The following CENPQ variants were observed in gnomAD, a reference collection of about 807,000 sequenced individuals.
The protein encoded by CENPQ is centromere protein Q, also known as chromosome 6 open reading frame 139.
In CENPQ, 27 loss-of-function variants were observed where a neutral mutation model predicts 36.6. That is an observed-to-expected ratio of 0.74 (90% CI 0.54 to 1.02). The LOEUF (loss-of-function observed/expected upper bound fraction) is 1.02. CENPQ is among the 50% of genes least tolerant of loss of function. The pLI, the probability that CENPQ is intolerant of heterozygous loss-of-function variation, is 0.00. For missense variants in CENPQ, 306 were observed against 301.8 expected (o/e 1.01, Z -0.10); for synonymous variants, 101 against 101.7 (o/e 0.99, Z 0.04).
At chr6:49,488,817 G>A in intron 8 of CENPQ, 133 bp downstream of exon 8, 1 of 708,234 alleles carries the variant, frequency 1.4e-6, no homozygotes, top group Non-Finnish European at 2.5e-6. Flanking sequence ...CACGGCATAT[G>A]GAAGTTATGT....
rs185355061 is a variant in CENPQ, at chr6:49,469,981, A to C, written c.-18-178A>C. On this transcript the variant is annotated intron_variant, in intron 1 of 8. Transcript: ENST00000335783. ...AGAGTGAAAATTATTTCTTTTAAAA[A>C]ATGCTTGTTTAAAAGCATACAATAC... 1.4e-3 allele frequency among the ~76,000 whole-genome samples: 218 copies of C among 152,094 alleles called. 3 individuals are homozygous for C. The highest frequency in any genetic ancestry group is 4.9e-3 in the African/African-American group (204 of 41,550).
chr6:49,469,509 A>G (rs959452167), intron 1 of CENPQ, among the ~76,000 whole-genome samples: 7 of 152,206 alleles, frequency 4.6e-5, no homozygotes, highest in Non-Finnish European at 1.0e-4. Context: ...TCTAAATTTT[A>G]TCAACATCCC....
intron 4 of CENPQ, 71 bp from the exon 5 acceptor site, chr6:49,472,715 CAGAG>C (rs2127424387): frequency 8.4e-7 from 1 of 1,189,288 alleles, no homozygotes; most frequent in East Asian, 3.3e-5. Flanking sequence ...TGAGAGAAAT[CAGAG>C]AGAAAAAGTA....
intron 5 of CENPQ, among the ~76,000 whole-genome samples, chr6:49,476,374 A>G (rs570063881): frequency 2.6e-5 from 4 of 152,348 alleles, no homozygotes; most frequent in African/African-American, 7.2e-5. Context: ...AGCCATATGT[A>G]GAAAGCTGAA....
chr6:49,468,620 A>G (rs1768059257), intron 1 of CENPQ, among the ~76,000 whole-genome samples: 1 of 152,124 alleles, frequency 6.6e-6, no homozygotes, highest in Non-Finnish European at 1.5e-5. Flanking sequence ...TTTCTAAGCA[A>G]GAAGAAGTCA....
chr6:49,483,451 C>G (rs546251458), intron 6 of CENPQ, among the ~76,000 whole-genome samples: 1 of 152,252 alleles, frequency 6.6e-6, no homozygotes, highest in East Asian at 1.9e-4. Context: ...GTCGATGGGA[C>G]TGGGCACTGT....
chr6:49,483,090 C>T (rs941204242), intron 6 of CENPQ, among the ~76,000 whole-genome samples: 4 of 152,076 alleles, frequency 2.6e-5, no homozygotes, highest in South Asian at 2.1e-4. Context: ...TTGGTAGAGC[C>T]GAGTGGTCTG....
At chr6:49,465,062 C>G (rs1366696882) in intron 1 of CENPQ, among the ~76,000 whole-genome samples, 1 of 152,200 alleles carries the variant, frequency 6.6e-6, no homozygotes, top group Non-Finnish European at 1.5e-5. Flanking sequence ...AATAATATAA[C>G]TTGAAAGTCA....
chr6:49,488,685 G>GT lies in CENPQ; in HGVS notation c.675+2dup. On this transcript the variant is annotated splice_donor_variant, in intron 8 of 8. Coordinates refer to ENST00000335783, the MANE Select transcript of CENPQ (RefSeq NM_018132.4). LOFTEE classifies it high-confidence loss of function. ...AACTCTCAAAGCACCCACACTTCAG[G>GT]TAAGTGCCTATTTACCATATTGATT... 3 of 1,609,768 alleles carry GT rather than the reference G, an allele frequency of 1.9e-6. No homozygotes were observed. The highest frequency in any genetic ancestry group is 2.6e-6 in the Non-Finnish European group (3 of 1,176,322).
intron 1 of CENPQ, among the ~76,000 whole-genome samples, chr6:49,468,796 T>C (rs576345986): frequency 2.6e-5 from 4 of 152,212 alleles, no homozygotes; most frequent in Non-Finnish European, 4.4e-5. Flanking sequence ...ATTTTTAATC[T>C]AAAATCTCAG....
At chr6:49,478,627 T>C (rs1395542087) in intron 5 of CENPQ, among the ~76,000 whole-genome samples, 1 of 152,192 alleles carries the variant, frequency 6.6e-6, no homozygotes. Context: ...TTAGCTTCAG[T>C]TAGAAAATTC....
intron 5 of CENPQ, among the ~76,000 whole-genome samples, chr6:49,479,471 G>A (rs1768379029): frequency 6.6e-6 from 1 of 152,062 alleles, no homozygotes; most frequent in South Asian, 2.1e-4. Context: ...TTATTAAAAA[G>A]TCAAAAAGTA....
At chr6:49,467,416 A>G (rs1768029306) in intron 1 of CENPQ, among the ~76,000 whole-genome samples, 1 of 152,186 alleles carries the variant, frequency 6.6e-6, no homozygotes, top group South Asian at 2.1e-4. Flanking sequence ...GTTGCAGGGA[A>G]TGGGGAAGGG....
At position 49,481,014 on chromosome 6, in the gene CENPQ, A is replaced by G. The variant is rs151162470; in HGVS notation, c.411A>G (p.Val137=). The G allele has an allele frequency of 2.2e-5, 36 of 1,610,894 alleles. No individual in the cohort carries two copies. In the African/African-American group the frequency reaches 4.3e-4, roughly 19 times the overall value. The change falls in exon 6 of 9, where the codon GTA becomes GTG. Residue 137 remains valine (V), a synonymous_variant. Transcript: ENST00000335783. ...AAAAGATGGAAGATTTAACTAATGT[A>G]TCAAGTCTACTGAATATGGAAAGGG... is the stretch of plus-strand genomic sequence containing the variant. The part of the protein sequence containing the change: ...PPKKMEDLTN[V]SSLLNMERAR...
intron 7 of CENPQ, 38 bp downstream of exon 7, chr6:49,488,509 AAT>A: frequency 1.3e-6 from 2 of 1,599,426 alleles, no homozygotes; most frequent in Non-Finnish European, 1.7e-6. Flanking sequence ...ATTTGGATAT[AAT>A]TTTTAATGGT....
In CENPQ at chr6:49,481,022, T is replaced by C. The variant is rs1379816479; in HGVS notation, c.419T>C (p.Leu140Pro). ...KMEDLTNVSS[L>P]LNMERARDKA... is the part of the protein sequence containing the mutation. ...GAAGATTTAACTAATGTATCAAGTC[T>C]ACTGAATATGGAAAGGGCACGAGAC... Residue 140 changes from leucine (L) to proline (P), a missense_variant, in exon 6 of 9, where the codon CTA (leucine) becomes CCA (proline). Leu to Pro is a moderately conservative substitution (Grantham distance 98). Coordinates refer to ENST00000335783, the MANE Select transcript of CENPQ (RefSeq NM_018132.4). The C allele has an allele frequency of 5.6e-6, 9 of 1,611,532 alleles. No homozygotes were observed. Among genetic ancestry groups the C allele is most frequent in the Non-Finnish European group, 7.6e-6 (9 of 1,178,674 alleles).
Position 49,480,961 on chromosome 6 carries a change from C to T in CENPQ, c.358C>T (p.Gln120Ter). ...TATTTTATCCTTAAGATTGCTACAA[C>T]AGTGTGAAACTCTGAAAGTCCCTCC... ...LNFLKKRLLQ[Q>*]CETLKVPPKK... The change falls in exon 6 of 9, where the codon CAG (glutamine) becomes TAG (stop). Residue 120 changes from glutamine (Q) to a stop codon, truncating the protein, a stop_gained. Coordinates refer to ENST00000335783, the MANE Select transcript of CENPQ (RefSeq NM_018132.4). LOFTEE classifies it high-confidence loss of function. The T allele has an allele frequency of 6.3e-7, 1 of 1,594,104 alleles. No individual in the cohort carries two copies. Among genetic ancestry groups the T allele is most frequent in the Non-Finnish European group, 8.6e-7 (1 of 1,169,054 alleles).
rs754018059 is a variant in CENPQ, at chr6:49,488,320, G to A, written c.478-32G>A. ...GGATTTAATATAATAATGTGTTTAA[G>A]TTAAAATGTTTTTTTTCTCTTTCTG... On this transcript the variant is annotated intron_variant, in intron 6 of 8. Transcript: ENST00000335783. 64 of 1,526,172 alleles carry A rather than the reference G, an allele frequency of 4.2e-5. No homozygotes were observed. The African/African-American group carries it at 8.1e-4, about 19-fold the overall frequency. The allele number at this position is 1,526,172 out of a possible 1,614,324, so 94.5% of individuals were successfully genotyped here. A position where few individuals can be genotyped will look rare whatever the true frequency, so the allele number is the denominator to read the frequency against.
chr6:49,488,254 TG>T (rs911043868), intron 6 of CENPQ, 97 bp from the exon 7 acceptor site: 1 of 862,186 alleles, frequency 1.2e-6, no homozygotes, highest in Non-Finnish European at 1.7e-6. Context: ...TAAATATATA[TG>T]GTGTTTTTTT....
Sources: allele counts gnomAD v4.1 joint callset (sites outside exome capture counted in the v4.1 genomes callset), GRCh38; gene constraint gnomAD v4.1.1; transcripts MANE v1.5; gene names NCBI Gene and HGNC (gene_info 2026-07-23, HGNC 2026-07-21).